Variants in TESK2 observed in about 807,000 individuals in gnomAD.
The protein encoded by TESK2 is dual specificity testis-specific protein kinase 2.
A neutral mutation model predicts 57.1 loss-of-function variants in TESK2; 39 were observed. The observed-to-expected ratio is 0.68, with a 90% CI of 0.53 to 0.89. TESK2 has a LOEUF of 0.89. Among genes scored for constraint, TESK2 ranks in the 40% least tolerant of loss-of-function variants. The pLI, the probability that TESK2 is intolerant of heterozygous loss-of-function variation, is 0.00. For synonymous variants in TESK2, 249 were observed against 267.9 expected (o/e 0.93, Z 0.69); for missense variants, 646 against 732.1 (o/e 0.88, Z 1.36).
At chr1:45,367,252 T>C (rs969853028) in intron 4 of TESK2, among the ~76,000 whole-genome samples, 2 of 152,136 alleles carry the variant, frequency 1.3e-5, no homozygotes, top group African/African-American at 4.8e-5. Flanking sequence ...CCATGTTGAT[T>C]AGTGTTATAT....
chr1:45,481,084 G>A (rs1315989173), intron 1 of TESK2, among the ~76,000 whole-genome samples: 1 of 150,768 alleles, frequency 6.6e-6, no homozygotes, highest in Non-Finnish European at 1.5e-5. Context: ...GTAAATAAGC[G>A]GCCGGGCCTG....
intron 2 of TESK2, among the ~76,000 whole-genome samples, chr1:45,455,780 T>C (rs186802143): frequency 8.5e-4 from 129 of 152,142 alleles, no homozygotes; most frequent in African/African-American, 3.0e-3. Flanking sequence ...CAATAAAAAG[T>C]ATTTTAGAGA....
intron 10 of TESK2, 87 bp from the exon 11 acceptor site, chr1:45,345,645 G>T: frequency 7.9e-7 from 1 of 1,271,844 alleles, no homozygotes; most frequent in Non-Finnish European, 1.1e-6. Context: ...ACTCATGAAA[G>T]CAAAGCTGAT....
chr1:45,367,970 T>C (rs1392014465), intron 4 of TESK2, among the ~76,000 whole-genome samples: 1 of 148,110 alleles, frequency 6.8e-6, no homozygotes, highest in African/African-American at 2.5e-5. Context: ...AGCACTTTCA[T>C]AGTTACCTCA....
At chr1:45,419,239 G>T (rs923288810) in intron 3 of TESK2, among the ~76,000 whole-genome samples, 42 of 152,114 alleles carry the variant, frequency 2.8e-4, no homozygotes, top group African/African-American at 9.7e-4. Flanking sequence ...GCCTCCCAAA[G>T]TGCTGGGATT....
chr1:45,365,240 G>A (rs1374471529), intron 4 of TESK2, among the ~76,000 whole-genome samples: 5 of 152,112 alleles, frequency 3.3e-5, no homozygotes, highest in South Asian at 2.1e-4. Context: ...CACTACAAGC[G>A]TACATCCGTA....
At chr1:45,435,805 T>A (rs1651180363) in intron 2 of TESK2, among the ~76,000 whole-genome samples, 1 of 151,620 alleles carries the variant, frequency 6.6e-6, no homozygotes, top group African/African-American at 2.4e-5. Flanking sequence ...TGTGACTGGA[T>A]TTGACTTTTG....
At chr1:45,430,000 T>C (rs1243072509) in intron 2 of TESK2, among the ~76,000 whole-genome samples, 1 of 152,140 alleles carries the variant, frequency 6.6e-6, no homozygotes, top group African/African-American at 2.4e-5. Context: ...ACTTATTCTA[T>C]TTTAGGAAAT....
chr1:45,352,893 C>CT lies in TESK2; in HGVS notation c.540+2409dup, dbSNP rs909810518. ...ATTTGCCTGGAACAAATGCAATTTT[C>CT]TTTTTTTTTTTCTTTTTTTTTTCCA... On this transcript the variant is annotated intron_variant, in intron 5 of 10. Transcript: ENST00000372086. Among the ~76,000 whole-genome samples, 375 of 145,740 alleles carry CT rather than the reference C, an allele frequency of 2.6e-3. 5 individuals are homozygous for CT. Among genetic ancestry groups the CT allele is most frequent in the African/African-American group, 8.1e-3 (322 of 39,936 alleles).
In TESK2 at chr1:45,420,675, C is replaced by T. The variant is rs571023622; in HGVS notation, c.344+1050G>A. Among the ~76,000 whole-genome samples the T allele has an allele frequency of 1.5e-4, 23 of 150,994 alleles. 1 individual carries two copies. The South Asian group carries it at 3.5e-3, about 23-fold the overall frequency. ...AGGTTCCCAGGGGGAACCTCCACTTCCCGGGTTCAAGCAATTCTCCTGCCT... is the reference window on the plus strand; with the variant it reads ...AGGTTCCCAGGGGGAACCTCCACTTTCCGGGTTCAAGCAATTCTCCTGCCT... On this transcript the variant is annotated intron_variant, in intron 3 of 10. Coordinates refer to ENST00000372086, the MANE Select transcript of TESK2 (RefSeq NM_007170.3).
intron 1 of TESK2, among the ~76,000 whole-genome samples, chr1:45,483,467 GCACA>G (rs1653319213): frequency 1.3e-5 from 2 of 150,776 alleles, no homozygotes; most frequent in Non-Finnish European, 3.0e-5. Flanking sequence ...GCATGGTGGC[GCACA>G]CCTGTAAACC....
intron 3 of TESK2, among the ~76,000 whole-genome samples, chr1:45,418,241 T>C (rs1187288654): frequency 6.6e-6 from 1 of 152,242 alleles, no homozygotes. Flanking sequence ...TTAAGCTAGA[T>C]ATTACTTAAA....
intron 4 of TESK2, among the ~76,000 whole-genome samples, chr1:45,368,670 C>T (rs1414498230): frequency 2.0e-5 from 3 of 150,548 alleles, no homozygotes; most frequent in Non-Finnish European, 3.0e-5. Flanking sequence ...CCACCGCACC[C>T]GGCTGGTTGG....
intron 2 of TESK2, among the ~76,000 whole-genome samples, chr1:45,444,092 T>A (rs1570737040): frequency 6.6e-6 from 1 of 150,988 alleles, no homozygotes; most frequent in Non-Finnish European, 1.5e-5. Context: ...GATGGGAGGA[T>A]CCCTTGAGCT....
intron 3 of TESK2, among the ~76,000 whole-genome samples, chr1:45,418,035 AAG>A (rs1034677335): frequency 2.2e-4 from 34 of 152,332 alleles, no homozygotes; most frequent in African/African-American, 7.5e-4. Context: ...GTTCACAGTG[AAG>A]AGAGTAAGAA....
At position 45,347,611 on chromosome 1, in the gene TESK2, T is replaced by G. The variant is rs1383692679; in HGVS notation, c.706A>C (p.Lys236Gln). 6.2e-7 allele frequency: 1 copy of G among 1,613,342 alleles called. No individual in the cohort carries two copies. The highest frequency in any genetic ancestry group is 1.3e-5 in the African/African-American group (1 of 74,824). ...GCCTTGAGATCCTCCAAACTTACCTTTTCATTATAGGGCTCATCTCGGAGA... is the reference window on the plus strand; with the variant it reads ...GCCTTGAGATCCTCCAAACTTACCTGTTCATTATAGGGCTCATCTCGGAGA... ...EVLRDEPYNE[K>Q]ADVFSYGIIL... Residue 236 changes from lysine to glutamine, a missense_variant and splice_region_variant, in exon 7 of 11, where the codon AAG (lysine) becomes CAG (glutamine). Lys to Gln is a moderately conservative substitution (Grantham distance 53). Coordinates refer to ENST00000372086, the MANE Select transcript of TESK2 (RefSeq NM_007170.3).
chr1:45,405,541 C>T (rs2149281709), intron 3 of TESK2, among the ~76,000 whole-genome samples: 1 of 151,450 alleles, frequency 6.6e-6, no homozygotes, highest in East Asian at 1.9e-4. Context: ...CCTGTAATCC[C>T]AGCACTTTGG....
At chr1:45,376,213 C>CTTTTTTTTT (rs71052869) in intron 4 of TESK2, among the ~76,000 whole-genome samples, 1 of 80,682 alleles carries the variant, frequency 1.2e-5, no homozygotes, top group Non-Finnish European at 2.3e-5. Context: ...CTTTCTCTCT[C>CTTTTTTTTT]TTTTTTTTTT....
intron 3 of TESK2, among the ~76,000 whole-genome samples, chr1:45,403,359 C>T (rs1477661650): frequency 3.9e-5 from 6 of 152,092 alleles, no homozygotes; most frequent in Admixed American, 6.6e-5. Flanking sequence ...GTAATATCCT[C>T]GGGTAAGTGC....
Sources: allele counts gnomAD v4.1 joint callset (sites outside exome capture counted in the v4.1 genomes callset), GRCh38; gene constraint gnomAD v4.1.1; transcripts MANE v1.5; gene names NCBI Gene and HGNC (gene_info 2026-07-23, HGNC 2026-07-21).